Variants in CLIP2 observed in about 807,000 individuals in gnomAD.
CLIP2 encodes the protein CAP-Gly domain-containing linker protein 2.
Under a neutral mutation model 111.7 loss-of-function variants are expected in CLIP2, and 41 were observed. That is an observed-to-expected ratio of 0.37 (90% CI 0.29 to 0.48). The LOEUF (loss-of-function observed/expected upper bound fraction) is 0.48, where lower values mean the gene tolerates loss of function less well. Ranked by LOEUF, CLIP2 falls within the 20% of genes least tolerant of loss-of-function variation. The probability of loss-of-function intolerance (pLI) is 0.99; values close to 1 mark genes in which losing one functional copy is unlikely to be tolerated. For missense variants in CLIP2, 1,160 were observed against 1,422.1 expected (o/e 0.82, Z 2.96); for synonymous variants, 660 against 644.2 (o/e 1.02, Z -0.37).
chr7:74,354,430 A>G (rs1171360109), intron 4 of CLIP2, among the ~76,000 whole-genome samples: 1 of 152,120 alleles, frequency 6.6e-6, no homozygotes, highest in Non-Finnish European at 1.5e-5. Context: ...CCTGGCCAAC[A>G]TGGTGAAACC....
chr7:74,380,655 C>A, intron 10 of CLIP2, 151 bp from the exon 11 acceptor site: 1 of 612,806 alleles, frequency 1.6e-6, no homozygotes, highest in South Asian at 2.3e-5. Context: ...CGTCTGCACT[C>A]CCTGCCACCG....
At chr7:74,388,820 A>T in intron 12 of CLIP2, 2 of 253,358 alleles carry the variant, frequency 7.9e-6, no homozygotes, top group African/African-American at 2.3e-5. Flanking sequence ...GCCAGGTATG[A>T]TGGTGCACTC....
chr7:74,307,391 C>T (rs1178174534), intron 1 of CLIP2, among the ~76,000 whole-genome samples: 1 of 152,232 alleles, frequency 6.6e-6, no homozygotes, highest in Non-Finnish European at 1.5e-5. Context: ...TCTCTGCACT[C>T]GGGAAGCTCC....
At chr7:74,368,039 C>T (rs955552825) in intron 8 of CLIP2, among the ~76,000 whole-genome samples, 1 of 152,144 alleles carries the variant, frequency 6.6e-6, no homozygotes, top group Non-Finnish European at 1.5e-5. Flanking sequence ...ATAGGGAGAC[C>T]TTGTCTCTAC....
intron 14 of CLIP2, among the ~76,000 whole-genome samples, chr7:74,398,567 A>G (rs1791526865): frequency 6.6e-6 from 1 of 152,150 alleles, no homozygotes; most frequent in Non-Finnish European, 1.5e-5. Context: ...ATGGAAGGAG[A>G]GCAGGGCCCA....
intron 6 of CLIP2, among the ~76,000 whole-genome samples, chr7:74,358,361 A>AT (rs1562708101): frequency 6.6e-6 from 1 of 150,940 alleles, no homozygotes; most frequent in South Asian, 2.1e-4. Context: ...CTGCTTTTTT[A>AT]TTTTTTTAAA....
intron 3 of CLIP2, 24 bp downstream of exon 3, chr7:74,339,028 C>G (rs782514725): frequency 1.6e-5 from 25 of 1,569,098 alleles, no homozygotes; most frequent in Admixed American, 3.4e-5. Flanking sequence ...GTACTGGGCT[C>G]TGGGCCCAGC....
At chr7:74,366,968 A>G (rs1790484183) in intron 8 of CLIP2, among the ~76,000 whole-genome samples, 1 of 150,838 alleles carries the variant, frequency 6.6e-6, no homozygotes, top group African/African-American at 2.4e-5. Flanking sequence ...GCAGCCCCTG[A>G]TGCTCCTTGG....
chr7:74,320,496 T>C (rs1466843388), intron 2 of CLIP2, among the ~76,000 whole-genome samples: 4 of 152,084 alleles, frequency 2.6e-5, no homozygotes, highest in African/African-American at 9.7e-5. Flanking sequence ...CACTCCAACC[T>C]GGGTGACCCA....
chr7:74,388,983 G>A, intron 12 of CLIP2, 120 bp from the exon 13 acceptor site: 1 of 1,205,764 alleles, frequency 8.3e-7, no homozygotes, highest in South Asian at 1.5e-5. Flanking sequence ...CTATGCAGTG[G>A]GGTATGTCAC....
intron 3 of CLIP2, among the ~76,000 whole-genome samples, chr7:74,346,621 G>A (rs1251463061): frequency 6.6e-6 from 1 of 151,660 alleles, no homozygotes; most frequent in Non-Finnish European, 1.5e-5. Flanking sequence ...TCCTCAGGTG[G>A]CTGAGTCAGG....
At chr7:74,361,174 T>TTC (rs1562709917) in intron 7 of CLIP2, among the ~76,000 whole-genome samples, 3 of 90,658 alleles carry the variant, frequency 3.3e-5, no homozygotes, top group Non-Finnish European at 5.9e-5. Flanking sequence ...CTCCCTCCCT[T>TTC]CTTTCCTTCC....
chr7:74,290,894 T>G (rs1162789135), intron 1 of CLIP2, among the ~76,000 whole-genome samples: 1 of 151,948 alleles, frequency 6.6e-6, no homozygotes, highest in African/African-American at 2.4e-5. Context: ...CCCCGGGGGT[T>G]GATGAGTGCA....
intron 12 of CLIP2, chr7:74,388,810 G>T (rs1233447390): frequency 4.7e-6 from 1 of 213,440 alleles, no homozygotes; most frequent in Non-Finnish European, 9.2e-6. Flanking sequence ...AAAAAAAACC[G>T]CCAGGTATGA....
Position 74,338,708 on chromosome 7 carries a change from C to T in CLIP2, c.382C>T (p.Arg128Cys). 1.3e-6 allele frequency: 2 copies of T among 1,587,302 alleles called. No individual in the cohort carries two copies. The highest frequency in any genetic ancestry group is 1.8e-5 in the Admixed American group (1 of 56,684). The change falls in exon 3 of 17, where the codon CGC (arginine) becomes TGC (cysteine). Residue 128 changes from arginine (R) to cysteine (C), a missense_variant. Arg to Cys is a radical substitution (Grantham distance 180). Around this residue, in one of 5 missense-constraint regions of CLIP2, gnomAD observed 301 missense variants for 315.2 expected, o/e 0.96. Coordinates refer to ENST00000223398, the MANE Select transcript of CLIP2 (RefSeq NM_003388.5). This position sits in a 1 kb window ranked among gnomAD's most constrained non-coding sequence, Gnocchi z 4.3. ...GKNDGAVGGVRYFECPALQGI... is the reference protein window; with the variant it reads ...GKNDGAVGGVCYFECPALQGI... ...GAATGATGGCGCGGTGGGCGGCGTG[C>T]GCTACTTCGAGTGCCCGGCCCTCCA...
chr7:74,303,842 G>A (rs1788404849), intron 1 of CLIP2, among the ~76,000 whole-genome samples: 1 of 151,440 alleles, frequency 6.6e-6, no homozygotes, highest in South Asian at 2.1e-4. Context: ...AACTCAGCAG[G>A]CGGAGGTTGC....
intron 2 of CLIP2, among the ~76,000 whole-genome samples, chr7:74,319,398 C>T (rs1788882228): frequency 6.6e-6 from 1 of 152,036 alleles, no homozygotes; most frequent in Non-Finnish European, 1.5e-5. Flanking sequence ...ATCCTAGCTA[C>T]ATGGGAGGCC....
chr7:74,308,625 C>G (rs910914179), intron 1 of CLIP2, among the ~76,000 whole-genome samples: 11 of 152,226 alleles, frequency 7.2e-5, no homozygotes, highest in Middle Eastern at 3.4e-3. Context: ...CTGCCTCCAC[C>G]TCCCAAGTAG....
intron 3 of CLIP2, among the ~76,000 whole-genome samples, chr7:74,349,470 G>GTGTGTATATATATA (rs1181485819): frequency 3.0e-5 from 1 of 33,784 alleles, no homozygotes; most frequent in Non-Finnish European, 5.6e-5. Context: ...GTGTGTGTGT[G>GTGTGTATATATATA]TATATATATA....
Sources: allele counts gnomAD v4.1 joint callset (sites outside exome capture counted in the v4.1 genomes callset), GRCh38; gene constraint gnomAD v4.1.1; regional missense constraint gnomAD v4.1.1; non-coding constraint Gnocchi (gnomAD v3.1); transcripts MANE v1.5; gene names NCBI Gene and HGNC (gene_info 2026-07-23, HGNC 2026-07-21).